Variants in GRIN3A observed in about 807,000 individuals in gnomAD.
GRIN3A encodes the protein glutamate ionotropic receptor NMDA type subunit 3A.
A neutral mutation model predicts 92.4 loss-of-function variants in GRIN3A; 47 were observed. The ratio of observed to expected loss-of-function variants is 0.51; its 90% CI spans 0.40 to 0.65. The LOEUF is 0.65. GRIN3A is among the 30% of genes least tolerant of loss of function. The pLI is 0.00. For synonymous variants in GRIN3A, 527 were observed against 540.6 expected (o/e 0.97, Z 0.35); for missense variants, 1,324 against 1,393.1 (o/e 0.95, Z 0.79).
In GRIN3A at chr9:101,714,248, C is replaced by T. The variant is rs371215313; in HGVS notation, c.699+23033G>A. Among the ~76,000 whole-genome samples, 3 of 151,960 alleles carry T rather than the reference C, an allele frequency of 2.0e-5. No homozygotes were observed. The East Asian group carries it at 5.8e-4, about 29-fold the overall frequency. On this transcript the variant is annotated intron_variant, in intron 1 of 8. Transcript: ENST00000361820. ...TGATTTTTATGAAACATGAAAAATT[C>T]ACTAGAGAACATGCTGAGATAGACA...
intron 6 of GRIN3A, among the ~76,000 whole-genome samples, chr9:101,603,585 A>G (rs1253213045): frequency 6.6e-6 from 1 of 152,166 alleles, no homozygotes; most frequent in Admixed American, 6.5e-5. Flanking sequence ...AGACTAGAAA[A>G]GATGTCCCTG....
chr9:101,650,823 A>ATTCTTT (rs1829005619), intron 3 of GRIN3A, among the ~76,000 whole-genome samples: 1 of 151,654 alleles, frequency 6.6e-6, no homozygotes, highest in African/African-American at 2.4e-5. Flanking sequence ...CCACCCCCCC[A>ATTCTTT]CACACATTTT....
At chr9:101,651,992 TCTC>T (rs1372391208) in intron 3 of GRIN3A, among the ~76,000 whole-genome samples, 4 of 151,986 alleles carry the variant, frequency 2.6e-5, no homozygotes, top group Non-Finnish European at 4.4e-5. Context: ...ATTCATTTAG[TCTC>T]CTACAACTCT....
intron 5 of GRIN3A, among the ~76,000 whole-genome samples, chr9:101,618,398 A>G (rs973593531): frequency 2.6e-5 from 4 of 152,124 alleles, no homozygotes; most frequent in Admixed American, 6.5e-5. Context: ...ACATGAACAG[A>G]CACTTCTGAA....
At chr9:101,608,952 A>G (rs1380833531) in intron 6 of GRIN3A, among the ~76,000 whole-genome samples, 2 of 152,214 alleles carry the variant, frequency 1.3e-5, no homozygotes, top group Non-Finnish European at 2.9e-5. Context: ...GGCTAGTGGT[A>G]GGTGGGATGA....
intron 6 of GRIN3A, among the ~76,000 whole-genome samples, chr9:101,609,461 C>A (rs1828330335): frequency 6.6e-6 from 1 of 152,198 alleles, no homozygotes; most frequent in South Asian, 2.1e-4. Flanking sequence ...GACGTAAGAG[C>A]AGTTAAGTAA....
At chr9:101,674,289 CA>C (rs1232996290) in intron 2 of GRIN3A, among the ~76,000 whole-genome samples, 1 of 151,946 alleles carries the variant, frequency 6.6e-6, no homozygotes, top group Non-Finnish European at 1.5e-5. Flanking sequence ...TTATATAGGA[CA>C]TAGTTTGGAA....
At chr9:101,639,227 A>G (rs956082968) in intron 3 of GRIN3A, among the ~76,000 whole-genome samples, 3 of 152,150 alleles carry the variant, frequency 2.0e-5, no homozygotes, top group Non-Finnish European at 2.9e-5. Flanking sequence ...GTATGATCAT[A>G]ATATAATTAC....
Position 101,690,900 on chromosome 9 carries a change from C to T in GRIN3A, c.700-3700G>A, listed in dbSNP as rs528270555. ...TTAGAAAAATAACAATTAAATTTCT[C>T]ATTACATCATATATTAAAAATATGT... On this transcript the variant is annotated intron_variant, in intron 1 of 8. Coordinates refer to ENST00000361820, the MANE Select transcript of GRIN3A (RefSeq NM_133445.3). 2.6e-5 allele frequency among the ~76,000 whole-genome samples: 4 copies of T among 152,006 alleles called. No homozygotes were observed. In the South Asian group the frequency reaches 8.3e-4, roughly 32 times the overall value.
intron 6 of GRIN3A, among the ~76,000 whole-genome samples, chr9:101,600,353 T>C (rs777624590): frequency 2.6e-5 from 4 of 152,192 alleles, no homozygotes; most frequent in Non-Finnish European, 5.9e-5. Flanking sequence ...GAGGATCTAC[T>C]ATGTGAGAAG....
intron 3 of GRIN3A, among the ~76,000 whole-genome samples, chr9:101,652,795 A>G (rs1829031577): frequency 6.6e-6 from 1 of 151,970 alleles, no homozygotes; most frequent in Non-Finnish European, 1.5e-5. Flanking sequence ...ATGTATTCAA[A>G]CTTTCCTCTA....
chr9:101,664,191 C>T (rs1397784372), intron 3 of GRIN3A, among the ~76,000 whole-genome samples: 3 of 151,918 alleles, frequency 2.0e-5, no homozygotes, highest in Non-Finnish European at 4.4e-5. Flanking sequence ...CAGTTTCTAT[C>T]CACTTGTCAA....
At chr9:101,598,066 A>G (rs1333274885) in intron 6 of GRIN3A, among the ~76,000 whole-genome samples, 3 of 152,216 alleles carry the variant, frequency 2.0e-5, no homozygotes, top group Non-Finnish European at 4.4e-5. Flanking sequence ...ATAATAATCT[A>G]TAGCAGTGCT....
rs1256078034 is a variant in GRIN3A at position 101,660,346 on chromosome 9, G to A, written c.2352+9714C>T. Among the ~76,000 whole-genome samples, 3 of 151,668 alleles carry A rather than the reference G, an allele frequency of 2.0e-5. No individual in the cohort carries two copies. The South Asian group carries it at 6.2e-4, about 32-fold the overall frequency. On this transcript the variant is annotated intron_variant, in intron 3 of 8. Transcript: ENST00000361820. ...ACAATGTCCTGGCTCAAACACTCTG[G>A]GTCACCTTTGGACATAATTTCAACT...
chr9:101,640,484 G>A (rs1436990772), intron 3 of GRIN3A, among the ~76,000 whole-genome samples: 1 of 152,172 alleles, frequency 6.6e-6, no homozygotes, highest in Non-Finnish European at 1.5e-5. Context: ...TAAGCAATTT[G>A]GCCAAGATTA....
At chr9:101,724,811 A>G (rs1351615607) in intron 1 of GRIN3A, among the ~76,000 whole-genome samples, 3 of 152,248 alleles carry the variant, frequency 2.0e-5, no homozygotes, top group Non-Finnish European at 4.4e-5. Context: ...CCAGCCATGT[A>G]GAACTGTAAG....
Position 101,595,758 on chromosome 9 carries a change from A to G in GRIN3A, c.2767-16398T>C, listed in dbSNP as rs564104440. Among the ~76,000 whole-genome samples, 3 of 152,232 alleles carry G rather than the reference A, an allele frequency of 2.0e-5. No individual in the cohort carries two copies. In the East Asian group the frequency reaches 5.8e-4, roughly 29 times the overall value. On this transcript the variant is annotated intron_variant, in intron 6 of 8. Transcript: ENST00000361820. ...AGGTCTCAAGAACACAACCTCTGTT[A>G]CTCTGTTCCCTCTTATCCATCATCT...
At chr9:101,616,897 A>T (rs540867623) in intron 5 of GRIN3A, among the ~76,000 whole-genome samples, 235 of 151,010 alleles carry the variant, frequency 1.6e-3, no homozygotes, top group African/African-American at 5.4e-3. Flanking sequence ...ATAAAAAAAA[A>T]AAAAAAAAAA....
chr9:101,720,554 T>G (rs2119027454), intron 1 of GRIN3A, among the ~76,000 whole-genome samples: 1 of 152,300 alleles, frequency 6.6e-6, no homozygotes, highest in East Asian at 1.9e-4. Context: ...ATACCAGAAC[T>G]CTGCTATACA....
Sources: allele counts gnomAD v4.1 joint callset (sites outside exome capture counted in the v4.1 genomes callset), GRCh38; gene constraint gnomAD v4.1.1; transcripts MANE v1.5; gene names NCBI Gene and HGNC (gene_info 2026-07-23, HGNC 2026-07-21).